The following RUNX1 variants were observed in gnomAD, a reference collection of about 807,000 sequenced individuals.
RUNX1 encodes the protein runt-related transcription factor 1.
RUNX1 carries 19 observed loss-of-function variants against 42.8 expected under a neutral mutation model. The observed-to-expected ratio is 0.44, with a 90% CI of 0.31 to 0.65. RUNX1 has a LOEUF of 0.65. Among genes scored for constraint, RUNX1 ranks in the 30% least tolerant of loss-of-function variants. The pLI, the probability that RUNX1 is intolerant of heterozygous loss-of-function variation, is 0.07. For missense variants in RUNX1, 528 were observed against 672.0 expected (o/e 0.79, Z 2.37); for synonymous variants, 271 against 289.4 (o/e 0.94, Z 0.64).
chr21:34,903,820 T>G lies in RUNX1; in HGVS notation c.59-10857A>C, dbSNP rs148970162. 4.0e-3 allele frequency among the ~76,000 whole-genome samples: 606 copies of G among 152,300 alleles called. 14 individuals are homozygous for G. The highest frequency in any genetic ancestry group is 0.012 in the East Asian group (60 of 5,188). On this transcript the variant is annotated intron_variant, in intron 2 of 8. Coordinates refer to ENST00000675419, the MANE Select transcript of RUNX1 (RefSeq NM_001754.5). ...AATATCCTGCTTTCTTGTGGGGTCATGAAATTGCCATAGTTTACAAAAACT... is the reference window on the plus strand; with the variant it reads ...AATATCCTGCTTTCTTGTGGGGTCAGGAAATTGCCATAGTTTACAAAAACT...
chr21:34,991,160 A>G (rs1378253182), intron 2 of RUNX1, among the ~76,000 whole-genome samples: 1 of 152,110 alleles, frequency 6.6e-6, no homozygotes, highest in Non-Finnish European at 1.5e-5. Flanking sequence ...CTGTGGTTCC[A>G]CCTTGCCTGC....
intron 2 of RUNX1, among the ~76,000 whole-genome samples, chr21:35,039,912 G>A (rs1408334554): frequency 6.6e-6 from 1 of 152,116 alleles, no homozygotes; most frequent in Non-Finnish European, 1.5e-5. Flanking sequence ...TAATAAACTA[G>A]AAGCCTGAGT....
intron 2 of RUNX1, among the ~76,000 whole-genome samples, chr21:35,004,351 C>T (rs1226805758): frequency 6.6e-6 from 1 of 152,210 alleles, no homozygotes; most frequent in Non-Finnish European, 1.5e-5. Flanking sequence ...AACCAAGACA[C>T]CACTTTTGTA....
intron 2 of RUNX1, among the ~76,000 whole-genome samples, chr21:34,927,263 C>A (rs1211126179): frequency 6.6e-5 from 10 of 152,164 alleles, no homozygotes; most frequent in Admixed American, 6.5e-5. Flanking sequence ...ACAGGCTGGG[C>A]TTCAGCCTCC....
At chr21:34,889,761 G>A (rs1569087890) in intron 3 of RUNX1, 4 of 1,154,222 alleles carry the variant, frequency 3.5e-6, no homozygotes, top group Admixed American at 5.1e-5. Context: ...GGAGGGCCCC[G>A]CCCCCGGTCC....
At chr21:34,837,938 G>A (rs1030619643) in intron 6 of RUNX1, among the ~76,000 whole-genome samples, 4 of 152,104 alleles carry the variant, frequency 2.6e-5, no homozygotes, top group Non-Finnish European at 4.4e-5. Context: ...GTACTTGCTT[G>A]GAATTTTATT....
At chr21:34,831,544 G>A (rs1020375857) in intron 7 of RUNX1, among the ~76,000 whole-genome samples, 3 of 152,056 alleles carry the variant, frequency 2.0e-5, no homozygotes, top group Non-Finnish European at 4.4e-5. Context: ...TATAAATCCC[G>A]GCAAGCTCGC....
chr21:35,018,301 T>C (rs1230646558), intron 2 of RUNX1, among the ~76,000 whole-genome samples: 1 of 152,140 alleles, frequency 6.6e-6, no homozygotes, highest in East Asian at 1.9e-4. Flanking sequence ...GCTGGGATTA[T>C]AGGCATAAGT....
chr21:34,964,574 A>G lies in RUNX1; in HGVS notation c.59-71611T>C, dbSNP rs1601614847. Among the ~76,000 whole-genome samples the G allele has an allele frequency of 2.6e-5, 4 of 152,220 alleles. No individual in the cohort carries two copies. In the East Asian group the frequency reaches 7.7e-4, roughly 29 times the overall value. On this transcript the variant is annotated intron_variant, in intron 2 of 8. Coordinates refer to ENST00000675419, the MANE Select transcript of RUNX1 (RefSeq NM_001754.5). Reference sequence around the variant, plus strand: ...TGGCATGAAAGGACATTTTGGTACTAATCTAGAATTACAGACACGCCCTAT... The same window carrying G: ...TGGCATGAAAGGACATTTTGGTACTGATCTAGAATTACAGACACGCCCTAT...
rs1410448077 is a variant in RUNX1, at chr21:34,982,341, G to T, written c.58+66501C>A. The stretch of plus-strand genomic sequence containing the variant: ...AATAAAGATTGTTGTTGATGAAGGG[G>T]TAGCTCTTACTAGGGTCCCAGGGTT... On this transcript the variant is annotated intron_variant, in intron 2 of 8. Coordinates refer to ENST00000675419, the MANE Select transcript of RUNX1 (RefSeq NM_001754.5). 3.3e-5 allele frequency among the ~76,000 whole-genome samples: 5 copies of T among 151,940 alleles called. No individual in the cohort carries two copies. In the East Asian group the frequency reaches 9.7e-4, roughly 29 times the overall value.
At chr21:34,832,140 A>G (rs1425249739) in intron 7 of RUNX1, among the ~76,000 whole-genome samples, 1 of 152,202 alleles carries the variant, frequency 6.6e-6, no homozygotes, top group Non-Finnish European at 1.5e-5. Flanking sequence ...AAAGTTTTCA[A>G]GAGGAACAAA....
chr21:34,997,579 C>G (rs748758709), intron 2 of RUNX1, among the ~76,000 whole-genome samples: 1 of 152,194 alleles, frequency 6.6e-6, no homozygotes, highest in Non-Finnish European at 1.5e-5. Context: ...GTCTTGCTGA[C>G]GATCAGCTTC....
intron 7 of RUNX1, among the ~76,000 whole-genome samples, chr21:34,809,324 A>G (rs951209927): frequency 3.9e-5 from 6 of 152,052 alleles, no homozygotes; most frequent in African/African-American, 1.2e-4. Flanking sequence ...CTTGAAAAAC[A>G]TGAGCCAGAA....
At position 34,792,144 on chromosome 21, in the gene RUNX1, C is replaced by T. The variant is rs773869474; in HGVS notation, c.1434G>A (p.Arg478=). 2.0e-6 allele frequency: 3 copies of T among 1,487,082 alleles called. No individual in the cohort carries two copies. The highest frequency in any genetic ancestry group is 1.3e-5 in the South Asian group (1 of 76,260). The allele number at this position is 1,487,082 out of a possible 1,614,324, so 92.1% of individuals were successfully genotyped here. ...PSARLEEAVW[R]PY ...GGCCAGGCCTGGCGCCTCAGTAGGGCCTCCACACGGCCTCCTCCAGGCGCG... is the reference window on the plus strand; with the variant it reads ...GGCCAGGCCTGGCGCCTCAGTAGGGTCTCCACACGGCCTCCTCCAGGCGCG... The change falls in exon 9 of 9, where the codon AGG becomes AGA. Residue 478 remains arginine, a synonymous_variant. Coordinates refer to ENST00000675419, the MANE Select transcript of RUNX1 (RefSeq NM_001754.5). This position sits in a 1 kb window ranked among gnomAD's most constrained non-coding sequence, Gnocchi z 6.9.
intron 2 of RUNX1, among the ~76,000 whole-genome samples, chr21:34,966,178 C>T (rs9976241): frequency 0.09 from 13,659 of 151,976 alleles, 930 homozygotes; most frequent in African/African-American, 0.18. Context: ...GTTAATTTGC[C>T]CAAGATCACA....
intron 2 of RUNX1, among the ~76,000 whole-genome samples, chr21:34,923,527 A>C (rs1361667189): frequency 6.6e-6 from 1 of 152,236 alleles, no homozygotes; most frequent in Admixed American, 6.5e-5. Context: ...TTACTTAAAA[A>C]AAGTCCAAAC....
rs1353891271 is a variant in RUNX1, at chr21:34,896,412, GT to G, written c.59-3450del. ...GTAAAGGAAAATGCAGCCGGGCATGGTGGCTAACGCCTGTAATCCCAGCACT... is the reference window on the plus strand; with the variant it reads ...GTAAAGGAAAATGCAGCCGGGCATGGGGCTAACGCCTGTAATCCCAGCACT... On this transcript the variant is annotated intron_variant, in intron 2 of 8. Coordinates refer to ENST00000675419, the MANE Select transcript of RUNX1 (RefSeq NM_001754.5). Among the ~76,000 whole-genome samples the G allele has an allele frequency of 2.6e-5, 4 of 152,186 alleles. No homozygotes were observed. In the East Asian group the frequency reaches 7.7e-4, roughly 29 times the overall value.
At chr21:34,807,958 C>A (rs1222702688) in intron 7 of RUNX1, among the ~76,000 whole-genome samples, 2 of 152,230 alleles carry the variant, frequency 1.3e-5, no homozygotes, top group Non-Finnish European at 2.9e-5. Flanking sequence ...AGCAGTGTTT[C>A]CTCTGGCCTC....
intron 4 of RUNX1, among the ~76,000 whole-genome samples, chr21:34,881,704 T>G (rs748979400): frequency 6.6e-6 from 1 of 152,240 alleles, no homozygotes; most frequent in Non-Finnish European, 1.5e-5. Flanking sequence ...AGAAAACTGG[T>G]AGATAAATGT....
Sources: gnomAD v4.1 joint callset for allele counts (sites outside exome capture counted in the v4.1 genomes callset) on GRCh38, gnomAD v4.1.1 for gene constraint, Gnocchi (gnomAD v3.1) non-coding constraint, MANE v1.5 for transcripts, NCBI Gene and HGNC (gene_info 2026-07-23, HGNC 2026-07-21) for gene names.